ALMS1: variants seen among roughly 807,000 people sequenced by gnomAD.
ALMS1 encodes the protein centrosome-associated protein ALMS1.
Under a neutral mutation model 352.2 loss-of-function variants are expected in ALMS1, and 271 were observed. The ratio of observed to expected loss-of-function variants is 0.77; its 90% CI spans 0.70 to 0.85. The LOEUF is 0.85. Among genes scored for constraint, ALMS1 ranks in the 40% least tolerant of loss-of-function variants. The pLI is 0.00. For synonymous variants in ALMS1, 1,865 were observed against 1,761.2 expected (o/e 1.06, Z -1.48); for missense variants, 5,445 against 4,870.7 (o/e 1.12, Z -3.51).
intron 9 of ALMS1, among the ~76,000 whole-genome samples, chr2:73,464,397 C>G (rs11504914): frequency 0.3 from 45,796 of 152,062 alleles, 8,441 homozygotes; most frequent in African/African-American, 0.52. Flanking sequence ...ATTCAACAAC[C>G]CTTCATGCTA....
Position 73,385,982 on chromosome 2 carries a change from C to G in ALMS1, c.114C>G (p.Asp38Glu). ...EAAAAAAANVDDVVVVEEVEE... is the reference protein window; with the variant it reads ...EAAAAAAANVEDVVVVEEVEE... ...CAGCGGCGGCGGCGGCGAACGTGGA[C>G]GACGTAGTGGTCGTGGAGGAGGTGG... The change falls in exon 1 of 23, where the codon GAC becomes GAG. Residue 38 changes from aspartate (D) to glutamate (E), a missense_variant. Coordinates refer to ENST00000613296, the MANE Select transcript of ALMS1 (RefSeq NM_001378454.1). The G allele has an allele frequency of 1.3e-6, 2 of 1,545,632 alleles. No homozygotes were observed. The highest frequency in any genetic ancestry group is 1.7e-6 in the Non-Finnish European group (2 of 1,143,060).
intron 10 of ALMS1, among the ~76,000 whole-genome samples, chr2:73,499,430 C>T (rs1453028553): frequency 1.3e-5 from 2 of 152,104 alleles, no homozygotes; most frequent in Non-Finnish European, 1.5e-5. Flanking sequence ...TTTGCCCAGA[C>T]CAATATCCTA....
At chr2:73,468,198 C>T (rs1157497639) in intron 9 of ALMS1, among the ~76,000 whole-genome samples, 1 of 151,728 alleles carries the variant, frequency 6.6e-6, no homozygotes, top group African/African-American at 2.4e-5. Context: ...AGCATCAAGG[C>T]ATAAATCTAA....
intron 11 of ALMS1, among the ~76,000 whole-genome samples, chr2:73,526,212 G>A (rs1318517685): frequency 6.6e-6 from 1 of 152,122 alleles, no homozygotes; most frequent in African/African-American, 2.4e-5. Flanking sequence ...TAGGTATTGT[G>A]ATTCCTCCAG....
chr2:73,598,689 A>G (rs891427400), intron 16 of ALMS1, among the ~76,000 whole-genome samples: 2 of 152,186 alleles, frequency 1.3e-5, no homozygotes, highest in Admixed American at 1.3e-4. Context: ...ATTCCAATTC[A>G]TTATTCTGGG....
chr2:73,461,272 C>T (rs1296724877), intron 9 of ALMS1, among the ~76,000 whole-genome samples: 4 of 152,214 alleles, frequency 2.6e-5, no homozygotes, highest in East Asian at 1.9e-4. Flanking sequence ...GCAGCATTTG[C>T]GGTTCACCAA....
At position 73,467,628 on chromosome 2, in the gene ALMS1, A is replaced by G. The variant is rs570292854; in HGVS notation, c.7674+12333A>G. 8.8e-4 allele frequency among the ~76,000 whole-genome samples: 134 copies of G among 152,186 alleles called. 2 individuals are homozygous for G. The highest frequency in any genetic ancestry group is 3.0e-3 in the African/African-American group (125 of 41,536). ...GTACGTACTCAAGAACTATCAGTAC[A>G]TATGTTCAGTAGAAGACATGGTCAA... On this transcript the variant is annotated intron_variant, in intron 9 of 22. Transcript: ENST00000613296.
At position 73,453,052 on chromosome 2, in the gene ALMS1, T is replaced by A. The variant is rs770611166; in HGVS notation, c.6525T>A (p.Ala2175=). The change falls in exon 8 of 23, where the codon GCT becomes GCA. Residue 2175 remains alanine, a synonymous_variant. Transcript: ENST00000613296. The part of the protein sequence containing the change: ...ALKISSALGQ[A]DQITGLQTVP... The stretch of plus-strand genomic sequence containing the variant: ...AGATCTCAAGTGCTCTTGGGCAAGC[T>A]GATCAAATTACCGGATTACAAACAG... 6.2e-6 allele frequency: 10 copies of A among 1,613,914 alleles called. No individual in the cohort carries two copies. In the South Asian group the frequency reaches 1.1e-4, roughly 18 times the overall value.
intron 10 of ALMS1, among the ~76,000 whole-genome samples, chr2:73,511,635 C>T (rs1396180937): frequency 1.3e-5 from 2 of 152,176 alleles, no homozygotes; most frequent in Non-Finnish European, 2.9e-5. Context: ...GGGAATCCCT[C>T]ATGTACTTGT....
chr2:73,587,210 TATC>T (rs1416185189), intron 16 of ALMS1, among the ~76,000 whole-genome samples: 1 of 152,216 alleles, frequency 6.6e-6, no homozygotes, highest in African/African-American at 2.4e-5. Context: ...TATACAGTCA[TATC>T]ATCGGTGAAC....
intron 16 of ALMS1, among the ~76,000 whole-genome samples, chr2:73,579,412 G>A (rs1308673266): frequency 2.0e-5 from 3 of 151,588 alleles, no homozygotes; most frequent in Non-Finnish European, 2.9e-5. Context: ...CCAGGCTGGA[G>A]TACAGTGGCG....
At chr2:73,429,784 AT>A (rs1671464040) in intron 6 of ALMS1, among the ~76,000 whole-genome samples, 3 of 152,214 alleles carry the variant, frequency 2.0e-5, no homozygotes, top group African/African-American at 7.2e-5. Context: ...TCTTGTGAAC[AT>A]TGTCATCACC....
intron 10 of ALMS1, among the ~76,000 whole-genome samples, chr2:73,501,645 G>A (rs1449542738): frequency 2.6e-5 from 4 of 151,978 alleles, no homozygotes; most frequent in Non-Finnish European, 5.9e-5. Flanking sequence ...CTGTTTCTTT[G>A]TTCTTTTTAT....
chr2:73,603,970 G>A (rs1365585030), intron 21 of ALMS1: 1 of 152,578 alleles, frequency 6.6e-6, no homozygotes, highest in Non-Finnish European at 1.5e-5. Context: ...GGGTGAGAAA[G>A]AACAGTGTTC....
chr2:73,552,046 T>TA (rs1249460367), intron 13 of ALMS1, among the ~76,000 whole-genome samples: 1 of 152,178 alleles, frequency 6.6e-6, no homozygotes, highest in East Asian at 1.9e-4. Flanking sequence ...TGCATGGTTT[T>TA]TTTTATTTTA....
chr2:73,463,317 A>G (rs951377153), intron 9 of ALMS1, among the ~76,000 whole-genome samples: 1 of 152,226 alleles, frequency 6.6e-6, no homozygotes, highest in South Asian at 2.1e-4. Context: ...CCGCTCAACT[A>G]CCTGGAAACT....
chr2:73,580,160 C>T (rs183260543), intron 16 of ALMS1, among the ~76,000 whole-genome samples: 17 of 152,298 alleles, frequency 1.1e-4, no homozygotes, highest in South Asian at 2.1e-4. Context: ...CTCACTGCGG[C>T]GTCGAACTCT....
chr2:73,429,550 T>C (rs1007578751), intron 6 of ALMS1, among the ~76,000 whole-genome samples: 6 of 152,192 alleles, frequency 3.9e-5, no homozygotes, highest in African/African-American at 1.4e-4. Context: ...CCCAAAGTGC[T>C]GGGGTTACAG....
intron 10 of ALMS1, among the ~76,000 whole-genome samples, chr2:73,501,222 A>G (rs894590130): frequency 6.6e-6 from 1 of 152,158 alleles, no homozygotes; most frequent in Non-Finnish European, 1.5e-5. Context: ...TCCAGATACA[A>G]ATCCTCTGTG....
Sources: gnomAD v4.1 joint callset for allele counts (sites outside exome capture counted in the v4.1 genomes callset) on GRCh38, gnomAD v4.1.1 for gene constraint, MANE v1.5 for transcripts, NCBI Gene and HGNC (gene_info 2026-07-23, HGNC 2026-07-21) for gene names.